The following TEAD1 variants were observed in gnomAD, a reference collection of about 807,000 sequenced individuals.
TEAD1 encodes the protein transcriptional enhancer factor TEF-1.
A neutral mutation model predicts 54.9 loss-of-function variants in TEAD1; 9 were observed. The observed-to-expected ratio is 0.16, with a 90% CI of 0.10 to 0.29. TEAD1 has a LOEUF of 0.29. Ranked by LOEUF, TEAD1 falls within the 10% of genes least tolerant of loss-of-function variation. The pLI is 1.00. For missense variants in TEAD1, 387 were observed against 535.9 expected (o/e 0.72, Z 2.74); for synonymous variants, 200 against 187.8 (o/e 1.07, Z -0.53).
chr11:12,862,738 A>G (rs1564967815), intron 4 of TEAD1, among the ~76,000 whole-genome samples: 1 of 152,208 alleles, frequency 6.6e-6, no homozygotes, highest in African/African-American at 2.4e-5. Flanking sequence ...TGAAAAAGTA[A>G]CGCCAGCAGC....
chr11:12,814,536 T>G lies in TEAD1; in HGVS notation c.203-47714T>G, dbSNP rs376157403. ...AGGAAGCCTGAGGGTCTTGTCCCTG[T>G]CCTGGTTGCCAGGGCTCTGCCTAGT... On this transcript the variant is annotated intron_variant, in intron 3 of 12. Transcript: ENST00000527636. Among the ~76,000 whole-genome samples, 9 of 152,296 alleles carry G rather than the reference T, an allele frequency of 5.9e-5. No homozygotes were observed. The East Asian group carries it at 1.7e-3, about 29-fold the overall frequency.
At chr11:12,746,463 C>T (rs190561803) in intron 2 of TEAD1, among the ~76,000 whole-genome samples, 1 of 152,160 alleles carries the variant, frequency 6.6e-6, no homozygotes, top group African/African-American at 2.4e-5. Context: ...CCCGTCTTGT[C>T]CTAAAATAAT....
rs1440362579 is a variant in TEAD1 at position 12,679,373 on chromosome 11, T to C, written c.-55+3812T>C. Among the ~76,000 whole-genome samples, 5 of 152,268 alleles carry C rather than the reference T, an allele frequency of 3.3e-5. No homozygotes were observed. In the East Asian group the frequency reaches 7.7e-4, roughly 23 times the overall value. ...TTTGCAGGCATGGGACCCTGGAAAA[T>C]GGGCTTAAAAGAAAAAGCTGGCTTA... On this transcript the variant is annotated intron_variant, in intron 2 of 12. Transcript: ENST00000527636.
At chr11:12,710,524 G>A (rs1206603371) in intron 2 of TEAD1, among the ~76,000 whole-genome samples, 2 of 151,988 alleles carry the variant, frequency 1.3e-5, no homozygotes, top group Admixed American at 6.6e-5. Context: ...AATAGAGGGC[G>A]GTACAGTACA....
intron 3 of TEAD1, among the ~76,000 whole-genome samples, chr11:12,770,509 T>C (rs1319401495): frequency 6.6e-6 from 1 of 152,204 alleles, no homozygotes; most frequent in African/African-American, 2.4e-5. Flanking sequence ...CTTAAAAAGC[T>C]GACCTGTGTG....
chr11:12,811,779 G>A (rs1331613893), intron 3 of TEAD1, among the ~76,000 whole-genome samples: 1 of 150,602 alleles, frequency 6.6e-6, no homozygotes, highest in Non-Finnish European at 1.5e-5. Context: ...GAGTGGCCCC[G>A]AATCCACTGA....
At chr11:12,870,070 G>A (rs1181779187) in intron 5 of TEAD1, among the ~76,000 whole-genome samples, 1 of 151,980 alleles carries the variant, frequency 6.6e-6, no homozygotes, top group African/African-American at 2.4e-5. Context: ...AATAGAGACG[G>A]GGTTTCACCA....
At chr11:12,896,792 C>T (rs1196511340) in intron 9 of TEAD1, among the ~76,000 whole-genome samples, 2 of 152,186 alleles carry the variant, frequency 1.3e-5, no homozygotes, top group African/African-American at 4.8e-5. Context: ...TTGCTCTGTA[C>T]AGTCACTCTG....
At chr11:12,880,018 G>T (rs56014167) in intron 6 of TEAD1, among the ~76,000 whole-genome samples, 176 bp downstream of exon 6, 3,589 of 152,162 alleles carry the variant, frequency 0.024, 159 homozygotes, top group African/African-American at 0.083. Flanking sequence ...GGGAAGGGAG[G>T]CAGAGAGCTA....
intron 5 of TEAD1, among the ~76,000 whole-genome samples, chr11:12,872,009 G>C (rs138430451): frequency 1.3e-5 from 2 of 152,266 alleles, no homozygotes; most frequent in South Asian, 2.1e-4. Flanking sequence ...CCATTTTCTT[G>C]TTCTCGCCCT....
At chr11:12,792,161 C>T (rs149474271) in intron 3 of TEAD1, among the ~76,000 whole-genome samples, 42 of 151,958 alleles carry the variant, frequency 2.8e-4, no homozygotes, top group African/African-American at 1.0e-3. Context: ...TTGGTGAGTA[C>T]CAAAATAAGA....
chr11:12,680,243 C>T (rs1943188701), intron 2 of TEAD1, among the ~76,000 whole-genome samples: 1 of 152,210 alleles, frequency 6.6e-6, no homozygotes, highest in African/African-American at 2.4e-5. Context: ...ACTTTAATAG[C>T]TTTTCAAAGA....
chr11:12,759,735 G>A (rs575643345), intron 2 of TEAD1, among the ~76,000 whole-genome samples: 1 of 152,260 alleles, frequency 6.6e-6, no homozygotes, highest in African/African-American at 2.4e-5. Flanking sequence ...GGTGGTGAAT[G>A]CCTGTAATCC....
At chr11:12,829,919 G>A (rs533241195) in intron 3 of TEAD1, among the ~76,000 whole-genome samples, 16 of 152,330 alleles carry the variant, frequency 1.1e-4, no homozygotes, top group South Asian at 2.1e-4. Flanking sequence ...GTTGGGTAGG[G>A]TAGGAGTTCA....
At chr11:12,786,969 G>T (rs1241979004) in intron 3 of TEAD1, among the ~76,000 whole-genome samples, 1 of 152,142 alleles carries the variant, frequency 6.6e-6, no homozygotes, top group Non-Finnish European at 1.5e-5. Context: ...TTGAGGACTG[G>T]TGGGCCTCCG....
chr11:12,729,260 T>C (rs1944374060), intron 2 of TEAD1, among the ~76,000 whole-genome samples: 1 of 152,218 alleles, frequency 6.6e-6, no homozygotes, highest in African/African-American at 2.4e-5. Context: ...GGCCTCTCTC[T>C]TGCTGCTTGA....
chr11:12,911,976 T>G (rs1948626144), intron 10 of TEAD1, among the ~76,000 whole-genome samples: 1 of 151,960 alleles, frequency 6.6e-6, no homozygotes, highest in Non-Finnish European at 1.5e-5. Context: ...TTAAGTTACC[T>G]GGAAAGTTAT....
chr11:12,708,666 C>T (rs994085279), intron 2 of TEAD1, among the ~76,000 whole-genome samples: 3 of 152,020 alleles, frequency 2.0e-5, no homozygotes, highest in African/African-American at 7.2e-5. Flanking sequence ...GGTGTTCCTC[C>T]GCACCATAAT....
intron 10 of TEAD1, among the ~76,000 whole-genome samples, chr11:12,906,990 C>T (rs554809524): frequency 3.3e-5 from 5 of 152,136 alleles, no homozygotes; most frequent in East Asian, 1.9e-4. Flanking sequence ...GTGGACATAC[C>T]GTTTCATCTT....
Sources: allele counts gnomAD v4.1 joint callset (sites outside exome capture counted in the v4.1 genomes callset), GRCh38; gene constraint gnomAD v4.1.1; transcripts MANE v1.5; gene names NCBI Gene and HGNC (gene_info 2026-07-23, HGNC 2026-07-21).